The following CUBN variants were observed in gnomAD, a reference collection of about 807,000 sequenced individuals.
CUBN encodes cubilin, also known as 460 kDa receptor.
In CUBN, 282 loss-of-function variants were observed where a neutral mutation model predicts 405.3. The observed-to-expected ratio is 0.70, with a 90% confidence interval of 0.63 to 0.77. CUBN has a LOEUF of 0.77. Ranked by LOEUF, CUBN falls within the 30% of genes least tolerant of loss-of-function variation. CUBN has a pLI of 0.00. For missense variants in CUBN, 4,514 were observed against 4,475.2 expected, an observed-to-expected ratio of 1.01 and a Z score of -0.25; for synonymous variants, 1,684 against 1,617.0, an observed-to-expected ratio of 1.04 and a Z score of -0.99.
chr10:16,846,397 T>A (rs937155793), intron 60 of CUBN, among the ~76,000 whole-genome samples: 1 of 152,360 alleles, frequency 6.6e-6, no homozygotes, highest in East Asian at 1.9e-4. Context: ...CACTATTTTA[T>A]ATACTTTCCT....
intron 64 of CUBN, among the ~76,000 whole-genome samples, chr10:16,834,588 T>C (rs924916737): frequency 1.3e-5 from 2 of 152,190 alleles, no homozygotes; most frequent in Admixed American, 6.5e-5. Context: ...TCAGGAAAAT[T>C]AGGTGAGCTA....
At chr10:16,976,706 C>T (rs3012500) in intron 31 of CUBN, among the ~76,000 whole-genome samples, 132,469 of 151,742 alleles carry the variant, frequency 0.87, 58,730 homozygotes, top group Non-Finnish European at 0.96. Context: ...TCTGAGTGTC[C>T]TCTATGTGTC....
At chr10:17,010,247 T>C (rs1834144255) in intron 28 of CUBN, among the ~76,000 whole-genome samples, 1 of 152,238 alleles carries the variant, frequency 6.6e-6, no homozygotes, top group Non-Finnish European at 1.5e-5. Flanking sequence ...GTTAGAATCA[T>C]GTGTTTCAGA....
chr10:17,047,305 G>A (rs1835158964), intron 23 of CUBN, 109 bp downstream of exon 23: 1 of 867,728 alleles, frequency 1.2e-6, no homozygotes, highest in Non-Finnish European at 1.8e-6. Flanking sequence ...GTGCACAGCA[G>A]GGAGCTTTGC....
At chr10:16,870,739 G>A (rs115733224) in intron 58 of CUBN, among the ~76,000 whole-genome samples, 2,084 of 152,286 alleles carry the variant, frequency 0.014, 41 homozygotes, top group African/African-American at 0.047. Context: ...TCATTACAAT[G>A]AGAAATCAAC....
chr10:17,127,258 CTCTT>C (rs200179247), intron 3 of CUBN, among the ~76,000 whole-genome samples: 2 of 111,768 alleles, frequency 1.8e-5, no homozygotes, highest in African/African-American at 6.9e-5. Flanking sequence ...CTCTCTCTCT[CTCTT>C]TCTTTTTTTT....
At chr10:16,941,329 C>T (rs138307407) in intron 36 of CUBN, among the ~76,000 whole-genome samples, 6 of 152,216 alleles carry the variant, frequency 3.9e-5, no homozygotes, top group Non-Finnish European at 7.4e-5. Flanking sequence ...AGAACCTCTA[C>T]CTCTGCCTAT....
chr10:17,076,565 C>T (rs1185069803), intron 17 of CUBN, among the ~76,000 whole-genome samples: 1 of 151,616 alleles, frequency 6.6e-6, no homozygotes, highest in Non-Finnish European at 1.5e-5. Flanking sequence ...ATTCACTTCC[C>T]TTCCTGTAAA....
intron 22 of CUBN, among the ~76,000 whole-genome samples, chr10:17,058,502 T>C (rs1835441824): frequency 6.6e-6 from 1 of 152,026 alleles, no homozygotes; most frequent in Non-Finnish European, 1.5e-5. Context: ...AATAGAGAAA[T>C]AAAACATCAT....
chr10:17,086,152 G>A (rs1277120509), intron 15 of CUBN, among the ~76,000 whole-genome samples: 2 of 152,046 alleles, frequency 1.3e-5, no homozygotes, highest in Admixed American at 1.3e-4. Context: ...TTTTAGTAGA[G>A]ACAGGGTTTC....
chr10:17,021,520 C>G (rs1393826329), intron 27 of CUBN, among the ~76,000 whole-genome samples: 3 of 152,284 alleles, frequency 2.0e-5, no homozygotes, highest in Middle Eastern at 3.4e-3. Context: ...TGGATTTCCT[C>G]GAGGATGCCC....
chr10:17,037,261 C>A (rs1462867958), intron 27 of CUBN, among the ~76,000 whole-genome samples: 2 of 152,106 alleles, frequency 1.3e-5, no homozygotes, highest in East Asian at 3.9e-4. Flanking sequence ...AGTACTAGGT[C>A]AGTGGCCAAT....
At chr10:17,028,244 AT>A (rs2131800323) in intron 27 of CUBN, among the ~76,000 whole-genome samples, 1 of 149,426 alleles carries the variant, frequency 6.7e-6, no homozygotes, top group East Asian at 2.0e-4. Context: ...TATTATTATT[AT>A]TATTATTATT....
intron 28 of CUBN, among the ~76,000 whole-genome samples, chr10:17,010,891 G>A (rs1834161530): frequency 6.6e-6 from 1 of 152,138 alleles, no homozygotes; most frequent in East Asian, 1.9e-4. Context: ...GTATAATAGG[G>A]CTATTCAGTT....
intron 27 of CUBN, among the ~76,000 whole-genome samples, chr10:17,033,349 C>G (rs1315224766): frequency 6.6e-6 from 1 of 152,186 alleles, no homozygotes; most frequent in East Asian, 1.9e-4. Context: ...ATAATTGTCC[C>G]TCCCAGCACT....
chr10:17,088,223 A>G lies in CUBN; in HGVS notation c.1888T>C (p.Phe630Leu), dbSNP rs751777166. ...VVTSPDLLVT[F>L]TFGTLSLEHH... is the part of the protein sequence containing the mutation. ...TCGAGGCTCAAGGTCCCAAAAGTAA[A>G]TGTTACCAGGAGGTCAGGACTAGTT... Residue 630 changes from phenylalanine (F) to leucine (L), a missense_variant, in exon 15 of 67, where the codon TTT becomes CTT. Phe to Leu is a conservative substitution (Grantham distance 22, BLOSUM62 0). Coordinates refer to ENST00000377833, the MANE Select transcript of CUBN (RefSeq NM_001081.4). The G allele has an allele frequency of 1.9e-6, 3 of 1,613,886 alleles. No individual in the cohort carries two copies. The highest frequency in any genetic ancestry group is 2.2e-5 in the East Asian group (1 of 44,866).
intron 57 of CUBN, among the ~76,000 whole-genome samples, chr10:16,876,477 GACTGTAA>G (rs367826804): frequency 1.1e-4 from 17 of 152,126 alleles, no homozygotes; most frequent in Middle Eastern, 3.4e-3. Flanking sequence ...TTTCCTATCA[GACTGTAA>G]AGACATTCTC....
Position 17,082,190 on chromosome 10 carries a change from T to C in CUBN, c.2301+2081A>G, listed in dbSNP as rs543478933. Among the ~76,000 whole-genome samples, 6 of 152,312 alleles carry C rather than the reference T, an allele frequency of 3.9e-5. No homozygotes were observed. In the South Asian group the frequency reaches 1.2e-3, roughly 32 times the overall value. On this transcript the variant is annotated intron_variant, in intron 17 of 66. Transcript: ENST00000377833. ...TTCTTTTTATCATTTATTTCCTTGATTCTACCCCCAAAGTTTAGAGAAATA... is the reference window on the plus strand; with the variant it reads ...TTCTTTTTATCATTTATTTCCTTGACTCTACCCCCAAAGTTTAGAGAAATA...
At chr10:16,848,979 C>T (rs1839599966) in intron 60 of CUBN, among the ~76,000 whole-genome samples, 1 of 152,064 alleles carries the variant, frequency 6.6e-6, no homozygotes, top group Non-Finnish European at 1.5e-5. Flanking sequence ...GCTGGGATTA[C>T]AGACGTGAGT....
Sources: allele counts gnomAD v4.1 joint callset (sites outside exome capture counted in the v4.1 genomes callset), GRCh38; gene constraint gnomAD v4.1.1; transcripts MANE v1.5; gene names NCBI Gene and HGNC (gene_info 2026-07-23, HGNC 2026-07-21).